LDLRAD4: variants seen among roughly 807,000 people sequenced by gnomAD.
The protein encoded by LDLRAD4 is low density lipoprotein receptor class A domain containing 4.
LDLRAD4 carries 5 observed loss-of-function variants against 17.0 expected under a neutral mutation model. The ratio of observed to expected loss-of-function variants is 0.29; its 90% CI spans 0.15 to 0.62. The LOEUF (loss-of-function observed/expected upper bound fraction) is 0.62. LDLRAD4 is among the 20% of genes least tolerant of loss of function. The pLI is 0.84. For synonymous variants in LDLRAD4, 168 were observed against 171.8 expected (o/e 0.98, Z 0.17); for missense variants, 340 against 424.7 (o/e 0.80, Z 1.75).
chr18:13,241,374 T>A (rs2042641072), intron 1 of LDLRAD4: 1 of 152,280 alleles, frequency 6.6e-6, no homozygotes, highest in African/African-American at 2.4e-5. Flanking sequence ...GGAAGTTCAT[T>A]CCGGAGGCTT....
rs62085724 is a variant in LDLRAD4, at chr18:13,440,235, G to A, written c.181+1851G>A. 0.19 allele frequency among the ~76,000 whole-genome samples: 28,687 copies of A among 152,062 alleles called. 3,080 individuals are homozygous for A. Among genetic ancestry groups the A allele is most frequent in the South Asian group, 0.3 (1,429 of 4,796 alleles). On this transcript the variant is annotated intron_variant, in intron 3 of 5. Transcript: ENST00000359446. This position sits in a 1 kb window ranked among gnomAD's most constrained non-coding sequence, Gnocchi z 4.4. ...TCCTTTACTTCAGGGCCCTTTTGCCGAGGGCTTCCTTGTTTTCAACCCTCC... is the reference window on the plus strand; with the variant it reads ...TCCTTTACTTCAGGGCCCTTTTGCCAAGGGCTTCCTTGTTTTCAACCCTCC...
intron 3 of LDLRAD4, among the ~76,000 whole-genome samples, chr18:13,535,121 A>T (rs1483638099): frequency 6.6e-6 from 1 of 152,190 alleles, no homozygotes. Context: ...GCTATTAGAA[A>T]TAATATTTCT....
At chr18:13,335,352 C>G (rs9954359) in intron 1 of LDLRAD4, among the ~76,000 whole-genome samples, 62,371 of 151,994 alleles carry the variant, frequency 0.41, 14,443 homozygotes, top group African/African-American at 0.64. Context: ...TGTTAGATAT[C>G]TTCATATGTA....
At chr18:13,233,004 G>T (rs893983675) in intron 1 of LDLRAD4, among the ~76,000 whole-genome samples, 20 of 152,200 alleles carry the variant, frequency 1.3e-4, no homozygotes, top group African/African-American at 4.3e-4. Context: ...TAGGTGGCAG[G>T]TGAGGCGCTT....
intron 1 of LDLRAD4, among the ~76,000 whole-genome samples, chr18:13,242,622 C>G (rs754860766): frequency 6.6e-5 from 10 of 151,708 alleles, no homozygotes; most frequent in Non-Finnish European, 1.2e-4. Context: ...TTTTGCAAGC[C>G]ACTCTGCATT....
chr18:13,572,022 C>G (rs2148349954), intron 3 of LDLRAD4, among the ~76,000 whole-genome samples: 1 of 152,280 alleles, frequency 6.6e-6, no homozygotes, highest in Middle Eastern at 3.4e-3. Flanking sequence ...TTTAACTGTA[C>G]AGTAAGTCCC....
chr18:13,549,210 A>G (rs1481463445), intron 3 of LDLRAD4, among the ~76,000 whole-genome samples: 2 of 152,240 alleles, frequency 1.3e-5, no homozygotes, highest in Non-Finnish European at 2.9e-5. Context: ...GGGAGGCACC[A>G]TGCCAGCATG....
chr18:13,326,654 C>T (rs888155737), intron 1 of LDLRAD4, among the ~76,000 whole-genome samples: 3 of 152,210 alleles, frequency 2.0e-5, no homozygotes, highest in Non-Finnish European at 4.4e-5. Flanking sequence ...TTTCACTTTT[C>T]TGCGGGGTTT....
At chr18:13,459,371 G>T (rs1600486442) in intron 3 of LDLRAD4, among the ~76,000 whole-genome samples, 1 of 148,184 alleles carries the variant, frequency 6.7e-6, no homozygotes, top group East Asian at 2.0e-4. Flanking sequence ...AACATTTGGT[G>T]TTTTTTTTTT....
At chr18:13,528,634 T>C (rs6505823) in intron 3 of LDLRAD4, among the ~76,000 whole-genome samples, 39,639 of 152,166 alleles carry the variant, frequency 0.26, 5,737 homozygotes, top group Middle Eastern at 0.39. Context: ...GCTGTTATTA[T>C]CATCTGTTTT....
intron 2 of LDLRAD4, among the ~76,000 whole-genome samples, chr18:13,426,630 G>T (rs550549400): frequency 6.6e-6 from 1 of 152,236 alleles, no homozygotes; most frequent in Admixed American, 6.5e-5. Context: ...TTTGATCCCA[G>T]CCTTGAGTGT....
At chr18:13,534,615 G>A (rs2094176026) in intron 3 of LDLRAD4, among the ~76,000 whole-genome samples, 1 of 152,082 alleles carries the variant, frequency 6.6e-6, no homozygotes, top group African/African-American at 2.4e-5. Flanking sequence ...TGTCTGGTGT[G>A]CCCTGTACTT....
intron 1 of LDLRAD4, among the ~76,000 whole-genome samples, chr18:13,312,548 C>T (rs7236501): frequency 3.3e-5 from 5 of 152,068 alleles, no homozygotes; most frequent in Non-Finnish European, 7.4e-5. Context: ...TTGAGATCAG[C>T]CTGGGTAACA....
In LDLRAD4 at chr18:13,582,683, T is replaced by C. The variant is rs547116960; in HGVS notation, c.182-38434T>C. On this transcript the variant is annotated intron_variant, in intron 3 of 5. Transcript: ENST00000359446. Reference sequence around the variant, plus strand: ...CTGGGTGGCTCGCCTCCCATGTGGCTCCACTTCATCTCTGCACTTATTTAT... The same window carrying C: ...CTGGGTGGCTCGCCTCCCATGTGGCCCCACTTCATCTCTGCACTTATTTAT... Among the ~76,000 whole-genome samples, 3 of 152,324 alleles carry C rather than the reference T, an allele frequency of 2.0e-5. No individual in the cohort carries two copies. The South Asian group carries it at 6.2e-4, about 32-fold the overall frequency.
chr18:13,517,211 C>T (rs1010810004), intron 3 of LDLRAD4, among the ~76,000 whole-genome samples: 1 of 152,178 alleles, frequency 6.6e-6, no homozygotes, highest in African/African-American at 2.4e-5. Flanking sequence ...ATATGTATAA[C>T]CTATGTGTGA....
chr18:13,593,891 C>A (rs2095059588), intron 3 of LDLRAD4, among the ~76,000 whole-genome samples: 1 of 152,168 alleles, frequency 6.6e-6, no homozygotes, highest in Non-Finnish European at 1.5e-5. Context: ...ACCTCCTGGG[C>A]TCAAGCAATC....
intron 3 of LDLRAD4, among the ~76,000 whole-genome samples, chr18:13,586,096 A>C (rs1401046666): frequency 2.0e-5 from 3 of 152,134 alleles, no homozygotes; most frequent in African/African-American, 7.2e-5. Flanking sequence ...CTAGATGTTG[A>C]AAAAATACCT....
intron 3 of LDLRAD4, among the ~76,000 whole-genome samples, chr18:13,503,688 C>G (rs1029736827): frequency 6.6e-6 from 1 of 151,764 alleles, no homozygotes; most frequent in African/African-American, 2.4e-5. Context: ...GATGTGGAGC[C>G]CCTTTCTGAA....
At chr18:13,527,360 T>C (rs1245137999) in intron 3 of LDLRAD4, among the ~76,000 whole-genome samples, 1 of 152,254 alleles carries the variant, frequency 6.6e-6, no homozygotes, top group Non-Finnish European at 1.5e-5. Flanking sequence ...CTGTGCCTTG[T>C]ATAGGAGGCG....
Sources: allele counts gnomAD v4.1 joint callset (sites outside exome capture counted in the v4.1 genomes callset), GRCh38; gene constraint gnomAD v4.1.1; non-coding constraint Gnocchi (gnomAD v3.1); transcripts MANE v1.5; gene names NCBI Gene and HGNC (gene_info 2026-07-23, HGNC 2026-07-21).